HSDL2: variants seen among roughly 807,000 people sequenced by gnomAD.
The protein encoded by HSDL2 is hydroxysteroid dehydrogenase like 2.
In HSDL2, 27 loss-of-function variants were observed where a neutral mutation model predicts 46.3. The observed-to-expected ratio is 0.58, with a 90% confidence interval of 0.43 to 0.80. The LOEUF (loss-of-function observed/expected upper bound fraction) is 0.80, where lower values mean the gene tolerates loss of function less well. HSDL2 is among the 30% of genes least tolerant of loss of function. The pLI, the probability that HSDL2 is intolerant of heterozygous loss-of-function variation, is 0.00. For missense variants in HSDL2, 451 were observed against 502.7 expected (o/e 0.90, Z 0.98); for synonymous variants, 153 against 163.6 (o/e 0.94, Z 0.50).
At chr9:112,414,865 T>G (rs1391925279) in intron 4 of HSDL2, among the ~76,000 whole-genome samples, 5 of 152,116 alleles carry the variant, frequency 3.3e-5, no homozygotes, top group Non-Finnish European at 2.9e-5. Context: ...GATGTTGCTG[T>G]TTTTAACACC....
chr9:112,425,025 T>C (rs1401088359), intron 6 of HSDL2, among the ~76,000 whole-genome samples: 1 of 152,144 alleles, frequency 6.6e-6, no homozygotes, highest in African/African-American at 2.4e-5. Context: ...TTCCATTTCT[T>C]ATTAGATTAG....
chr9:112,388,438 G>A (rs1188578324), intron 1 of HSDL2, among the ~76,000 whole-genome samples: 1 of 144,926 alleles, frequency 6.9e-6, no homozygotes, highest in Non-Finnish European at 1.5e-5. Flanking sequence ...TCCAGCCTGG[G>A]AGACAGAGCT....
At chr9:112,410,791 G>A (rs180709646) in intron 4 of HSDL2, among the ~76,000 whole-genome samples, 32 of 152,302 alleles carry the variant, frequency 2.1e-4, no homozygotes. Flanking sequence ...GCTGGGGATG[G>A]TGGCACACGT....
At chr9:112,389,254 G>A (rs1831286545) in intron 1 of HSDL2, among the ~76,000 whole-genome samples, 1 of 152,102 alleles carries the variant, frequency 6.6e-6, no homozygotes, top group Non-Finnish European at 1.5e-5. Flanking sequence ...CGACTTCTGG[G>A]CTCAAGTGAT....
intron 6 of HSDL2, among the ~76,000 whole-genome samples, chr9:112,432,070 C>T (rs140828420): frequency 6.2e-4 from 94 of 152,046 alleles, no homozygotes; most frequent in South Asian, 1.3e-3. Flanking sequence ...TTAGTAGTGA[C>T]GGGGTTTCAC....
At chr9:112,387,418 C>G (rs1189671885) in intron 1 of HSDL2, among the ~76,000 whole-genome samples, 2 of 152,034 alleles carry the variant, frequency 1.3e-5, no homozygotes, top group Non-Finnish European at 1.5e-5. Context: ...TGGGGTTTCT[C>G]TATGTTGCCC....
intron 8 of HSDL2, among the ~76,000 whole-genome samples, chr9:112,447,333 G>A (rs1419262240): frequency 6.6e-6 from 1 of 151,732 alleles, no homozygotes; most frequent in Non-Finnish European, 1.5e-5. Flanking sequence ...AACTCATCAT[G>A]TTTACGTCTC....
chr9:112,391,763 G>C (rs1172968085), intron 1 of HSDL2, among the ~76,000 whole-genome samples: 3 of 151,788 alleles, frequency 2.0e-5, no homozygotes, highest in Admixed American at 2.0e-4. Flanking sequence ...AAATCAGCTG[G>C]GTGTAGTGGC....
At position 112,403,991 on chromosome 9, in the gene HSDL2, G is replaced by A. The variant is rs763431148; in HGVS notation, c.18-4G>A. On this transcript the variant is annotated splice_region_variant and splice_polypyrimidine_tract_variant and intron_variant, in intron 1 of 10. Coordinates refer to ENST00000398805, the MANE Select transcript of HSDL2 (RefSeq NM_032303.5). Reference sequence around the variant, plus strand: ...CTAATAAGGTCGTATTTGTTCTGTTGTAGGAGGCTGGCAGGATGTACAGTT... The same window carrying A: ...CTAATAAGGTCGTATTTGTTCTGTTATAGGAGGCTGGCAGGATGTACAGTT... 1 of 1,613,638 alleles carries A rather than the reference G, an allele frequency of 6.2e-7. No individual in the cohort carries two copies. The highest frequency in any genetic ancestry group is 8.5e-7 in the Non-Finnish European group (1 of 1,179,710).
intron 10 of HSDL2, among the ~76,000 whole-genome samples, chr9:112,464,891 T>C (rs1217963899): frequency 1.3e-5 from 2 of 152,164 alleles, no homozygotes; most frequent in African/African-American, 4.8e-5. Context: ...CACCTGTCAA[T>C]GTAATATCCC....
chr9:112,427,875 A>G (rs937175056), intron 6 of HSDL2, among the ~76,000 whole-genome samples: 4 of 152,186 alleles, frequency 2.6e-5, no homozygotes, highest in Non-Finnish European at 5.9e-5. Context: ...CGCAGCAGAC[A>G]TGGGTATTGG....
chr9:112,442,514 G>C (rs1026837080), intron 8 of HSDL2, among the ~76,000 whole-genome samples: 11 of 152,076 alleles, frequency 7.2e-5, no homozygotes, highest in African/African-American at 2.7e-4. Flanking sequence ...AAGGAGGTTT[G>C]GGTTTTACTT....
At chr9:112,446,695 G>T (rs1231413931) in intron 8 of HSDL2, among the ~76,000 whole-genome samples, 5 of 152,118 alleles carry the variant, frequency 3.3e-5, no homozygotes, top group Admixed American at 6.6e-5. Context: ...CTGCTGCCAC[G>T]GTTCTTCCCC....
At position 112,458,320 on chromosome 9, in the gene HSDL2, CT is replaced by C. The variant is rs202071222; in HGVS notation, c.1016-1113del. 6.6e-3 allele frequency among the ~76,000 whole-genome samples: 795 copies of C among 119,616 alleles called. 19 individuals are homozygous for C. In the East Asian group the frequency reaches 0.1, roughly 15 times the overall value. 78.5% of individuals were successfully genotyped at this position (119,616 alleles called of 152,430 possible). ...ATACATAACATTTTAACCACTTCTT[CT>C]TTTTTTTTTTTTTTTCTTTTGAGAC... On this transcript the variant is annotated intron_variant, in intron 9 of 10. Coordinates refer to ENST00000398805, the MANE Select transcript of HSDL2 (RefSeq NM_032303.5).
intron 1 of HSDL2, among the ~76,000 whole-genome samples, chr9:112,388,217 C>A (rs1446715797): frequency 1.3e-5 from 2 of 151,788 alleles, no homozygotes; most frequent in African/African-American, 4.8e-5. Flanking sequence ...AACCCCAGCA[C>A]TTTGGGAGGC....
intron 8 of HSDL2, among the ~76,000 whole-genome samples, chr9:112,449,826 C>T (rs959590600): frequency 2.0e-5 from 3 of 150,574 alleles, no homozygotes; most frequent in Non-Finnish European, 4.4e-5. Context: ...GAGTGGAACT[C>T]AGTTTCAAAA....
chr9:112,462,023 T>C (rs1330357688), intron 10 of HSDL2, among the ~76,000 whole-genome samples: 9 of 152,216 alleles, frequency 5.9e-5, no homozygotes, highest in Non-Finnish European at 1.3e-4. Flanking sequence ...TGAGTTTGCT[T>C]GTGCTTCTTA....
intron 8 of HSDL2, among the ~76,000 whole-genome samples, chr9:112,445,509 T>C (rs1202855111): frequency 6.6e-6 from 1 of 151,056 alleles, no homozygotes; most frequent in Non-Finnish European, 1.5e-5. Context: ...CTGTTTCATA[T>C]AGTTTTTTTT....
chr9:112,458,137 T>G (rs970043285), intron 9 of HSDL2, among the ~76,000 whole-genome samples: 1 of 152,028 alleles, frequency 6.6e-6, no homozygotes, highest in Non-Finnish European at 1.5e-5. Flanking sequence ...CGTGCTGCAC[T>G]CTTGATTCTG....
Sources: gnomAD v4.1 joint callset for allele counts (sites outside exome capture counted in the v4.1 genomes callset) on GRCh38, gnomAD v4.1.1 for gene constraint, MANE v1.5 for transcripts, NCBI Gene and HGNC (gene_info 2026-07-23, HGNC 2026-07-21) for gene names.